ETS1: variants seen among roughly 807,000 people sequenced by gnomAD.
ETS1 encodes ETS proto-oncogene 1, transcription factor.
Under a neutral mutation model 58.6 loss-of-function variants are expected in ETS1, and 15 were observed. The observed-to-expected ratio is 0.26, with a 90% CI of 0.17 to 0.39. The LOEUF is 0.39. ETS1 is among the 10% of genes least tolerant of loss of function. The pLI is 1.00. For missense variants in ETS1, 417 were observed against 610.5 expected (o/e 0.68, Z 3.34); for synonymous variants, 214 against 218.2 (o/e 0.98, Z 0.17).
chr11:128,562,284 C>T (rs1864416789), intron 2 of ETS1, among the ~76,000 whole-genome samples: 1 of 152,178 alleles, frequency 6.6e-6, no homozygotes, highest in East Asian at 1.9e-4. Context: ...TGGTAGGCAC[C>T]TGTAATCCCA....
At chr11:128,473,637 C>T (rs145369051) in intron 8 of ETS1, among the ~76,000 whole-genome samples, 47 of 152,318 alleles carry the variant, frequency 3.1e-4, no homozygotes, top group African/African-American at 1.1e-3. Context: ...ACTTCTCTAC[C>T]TGCAGGCATC....
chr11:128,559,352 G>T (rs1402560890), intron 2 of ETS1, among the ~76,000 whole-genome samples: 1 of 152,244 alleles, frequency 6.6e-6, no homozygotes, highest in African/African-American at 2.4e-5. Flanking sequence ...ACACCTGGGT[G>T]ATAACAGGGT....
chr11:128,585,829 A>G (rs1297694477), intron 1 of ETS1, among the ~76,000 whole-genome samples: 1 of 152,206 alleles, frequency 6.6e-6, no homozygotes, highest in Non-Finnish European at 1.5e-5. Flanking sequence ...AATCACTGAC[A>G]TAATCCAAGT....
At chr11:128,536,168 A>T (rs1276432298) in intron 3 of ETS1, among the ~76,000 whole-genome samples, 4 of 152,118 alleles carry the variant, frequency 2.6e-5, no homozygotes, top group African/African-American at 7.2e-5. Flanking sequence ...AGACAAAGAG[A>T]CCCTCATTTT....
intron 3 of ETS1, among the ~76,000 whole-genome samples, chr11:128,501,269 T>C (rs914816566): frequency 6.6e-6 from 1 of 152,118 alleles, no homozygotes; most frequent in Non-Finnish European, 1.5e-5. Context: ...TTCTCAGAAG[T>C]TAAATGGGAA....
At chr11:128,522,145 CCGCGCCCGGACGGTG>C in intron 3 of ETS1, 1 of 1,318,504 alleles carries the variant, frequency 7.6e-7, no homozygotes, top group African/African-American at 1.5e-5. Flanking sequence ...TTTCTTTCCC[CCGCGCCCGGACGGTG>C]CGCGCCCGGC....
intron 2 of ETS1, among the ~76,000 whole-genome samples, chr11:128,563,008 A>C (rs1864428904): frequency 6.6e-6 from 1 of 152,078 alleles, no homozygotes; most frequent in Non-Finnish European, 1.5e-5. Flanking sequence ...TTTACAACAG[A>C]AAATCATGAA....
intron 3 of ETS1, among the ~76,000 whole-genome samples, chr11:128,553,998 T>C (rs990613865): frequency 2.3e-4 from 35 of 152,132 alleles, no homozygotes; most frequent in South Asian, 2.3e-3. Context: ...TCCAAGGAAA[T>C]GTACCACAGC....
At chr11:128,541,626 G>A (rs1022477166) in intron 3 of ETS1, among the ~76,000 whole-genome samples, 2 of 152,026 alleles carry the variant, frequency 1.3e-5, no homozygotes, top group Non-Finnish European at 2.9e-5. Context: ...TTTAATTTTT[G>A]TTACTTCTTA....
At chr11:128,551,255 G>A (rs1047597102) in intron 3 of ETS1, among the ~76,000 whole-genome samples, 4 of 152,162 alleles carry the variant, frequency 2.6e-5, no homozygotes, top group African/African-American at 9.7e-5. Context: ...CTCCCTCAGC[G>A]CTCTCAACAC....
At chr11:128,556,978 G>A (rs1238064380) in intron 2 of ETS1, among the ~76,000 whole-genome samples, 4 of 152,014 alleles carry the variant, frequency 2.6e-5, no homozygotes, top group Non-Finnish European at 5.9e-5. Context: ...CCCAATTTTC[G>A]AAGACTTGTG....
chr11:128,569,573 T>C (rs1031447633), intron 2 of ETS1, among the ~76,000 whole-genome samples: 6 of 152,100 alleles, frequency 3.9e-5, no homozygotes, highest in Admixed American at 3.3e-4. Context: ...CTGGTGTCTC[T>C]AGTGCCAATG....
chr11:128,584,035 T>C (rs1322905453), intron 1 of ETS1, among the ~76,000 whole-genome samples: 4 of 152,352 alleles, frequency 2.6e-5, no homozygotes, highest in East Asian at 1.9e-4. Flanking sequence ...AAGATTATTG[T>C]GTTAATTTTA....
intron 3 of ETS1, chr11:128,522,295 G>T (rs1045408630): frequency 1.8e-5 from 20 of 1,096,334 alleles, no homozygotes; most frequent in Non-Finnish European, 2.2e-5. Context: ...CGGCTGCCTC[G>T]TTCGCTCTCG....
chr11:128,525,619 G>GAAAAAAA (rs10554000), intron 3 of ETS1, among the ~76,000 whole-genome samples: 1 of 75,818 alleles, frequency 1.3e-5, no homozygotes, highest in Admixed American at 1.4e-4. Flanking sequence ...GTAAGATTTA[G>GAAAAAAA]AAAAAAAAAA....
chr11:128,493,881 G>T (rs1453673677), intron 3 of ETS1, among the ~76,000 whole-genome samples: 1 of 152,134 alleles, frequency 6.6e-6, no homozygotes, highest in South Asian at 2.1e-4. Context: ...TCTTCATGTT[G>T]TTTGCAGATT....
chr11:128,560,423 CTT>C (rs1425720837), intron 2 of ETS1, among the ~76,000 whole-genome samples: 1 of 152,174 alleles, frequency 6.6e-6, no homozygotes, highest in African/African-American at 2.4e-5. Flanking sequence ...GAGATGGTCA[CTT>C]TTAATCCTCA....
intron 1 of ETS1, among the ~76,000 whole-genome samples, chr11:128,574,784 C>G (rs1199957108): frequency 6.6e-6 from 1 of 152,172 alleles, no homozygotes; most frequent in Non-Finnish European, 1.5e-5. Context: ...GAATCATCAT[C>G]AAACCATATA....
chr11:128,534,441 G>A (rs1044602425), intron 3 of ETS1, among the ~76,000 whole-genome samples: 2 of 152,084 alleles, frequency 1.3e-5, no homozygotes, highest in African/African-American at 4.8e-5. Flanking sequence ...TTATTTTAAG[G>A]TTCAGATACA....
Sources: allele counts gnomAD v4.1 joint callset (sites outside exome capture counted in the v4.1 genomes callset), GRCh38; gene constraint gnomAD v4.1.1; transcripts MANE v1.5; gene names NCBI Gene and HGNC (gene_info 2026-07-23, HGNC 2026-07-21).